TTN: variants seen among roughly 807,000 people sequenced by gnomAD.
TTN encodes the protein connectin.
A neutral mutation model predicts 3,223.0 loss-of-function variants in TTN; 1,525 were observed. That is an observed-to-expected ratio of 0.47 (90% CI 0.45 to 0.49). The LOEUF is 0.49. TTN is among the 20% of genes least tolerant of loss of function. The pLI is 0.00. For synonymous variants in TTN, 14,094 were observed against 15,161.0 expected (o/e 0.93, Z 5.17); for missense variants, 40,786 against 43,424.0 (o/e 0.94, Z 5.40).
At chr2:178,669,473 G>C in intron 158 of TTN, 26 bp from the exon 159 acceptor site, 1 of 1,560,850 alleles carries the variant, frequency 6.4e-7, no homozygotes, top group Non-Finnish European at 8.6e-7. Flanking sequence ...TATATTAATT[G>C]TTACAGATAA....
intron 99 of TTN, among the ~76,000 whole-genome samples, chr2:178,709,062 C>T (rs966234576): frequency 7.2e-5 from 11 of 152,226 alleles, no homozygotes; most frequent in Middle Eastern, 3.4e-3. Flanking sequence ...AAATGTTACC[C>T]TTTTGTCTGG....
rs1342643737 is a variant in TTN, at chr2:178,587,383, T to C, written c.63828A>G (p.Ser21276=). 8 of 1,611,370 alleles carry C rather than the reference T, an allele frequency of 5.0e-6. No individual in the cohort carries two copies. Among genetic ancestry groups the C allele is most frequent in the South Asian group, 1.1e-5 (1 of 90,812 alleles). Residue 21276 remains serine (S), a synonymous_variant, in exon 307 of 363, where the codon TCA becomes TCG. Coordinates refer to ENST00000589042, the MANE Select transcript of TTN (RefSeq NM_001267550.2). The part of the protein sequence containing the change: ...TPGPVSDLKV[S]DVTKTSCHVS... ...CATGGCATGATGTTTTAGTGACATC[T>C]GAAACTTTTAAATCAGACACAGGCC...
chr2:178,720,270 G>A lies in TTN; in HGVS notation c.23378-6C>T. The stretch of plus-strand genomic sequence containing the variant: ...TTTCACGAATCGTGGAGGTTCTGAT[G>A]AAAGAAATTTGTGGTTAGAGGAAAA... On this transcript the variant is annotated splice_region_variant and splice_polypyrimidine_tract_variant and intron_variant, in intron 80 of 362. Coordinates refer to ENST00000589042, the MANE Select transcript of TTN (RefSeq NM_001267550.2). 2 of 1,603,710 alleles carry A rather than the reference G, an allele frequency of 1.2e-6. No homozygotes were observed. Among genetic ancestry groups the A allele is most frequent in the East Asian group, 2.2e-5 (1 of 44,712 alleles).
At chr2:178,806,494 G>C (rs941065541) in intron 1 of TTN, among the ~76,000 whole-genome samples, 1 of 152,192 alleles carries the variant, frequency 6.6e-6, no homozygotes, top group Non-Finnish European at 1.5e-5. Flanking sequence ...TGTGTGCTGA[G>C]TTAAAATGCA....
intron 206 of TTN, 46 bp downstream of exon 206, chr2:178,651,620 T>C: frequency 6.2e-7 from 1 of 1,612,320 alleles, no homozygotes; most frequent in South Asian, 1.1e-5. Flanking sequence ...AATATGACAC[T>C]TCAAAGAAAG....
At position 178,537,067 on chromosome 2, in the gene TTN, C is replaced by T. The variant is rs757184326; in HGVS notation, c.100042G>A (p.Val33348Met). The T allele has an allele frequency of 8.7e-6, 14 of 1,613,142 alleles. No homozygotes were observed. In the South Asian group the frequency reaches 1.4e-4, roughly 16 times the overall value. Residue 33348 changes from valine to methionine, a missense_variant, in exon 356 of 363, where the codon GTG (valine) becomes ATG (methionine). Transcript: ENST00000589042. ...AGGTTCACAATTCTACAGGTTGTCA[C>T]TGAGATGGCTGAAGACACCAATTGC... ...EWQLVSSAIS[V>M]TTCRIVNLTE...
At position 178,545,735 on chromosome 2, in the gene TTN, C is replaced by G. The variant is rs1402252376; in HGVS notation, c.95417-42G>C. ...GGATGATGAGAATTGCACAAAATTA[C>G]TATTGATAAGACTGCCCTTCTCCCT... is the stretch of plus-strand genomic sequence containing the variant. On this transcript the variant is annotated intron_variant, in intron 343 of 362. Coordinates refer to ENST00000589042, the MANE Select transcript of TTN (RefSeq NM_001267550.2). The G allele has an allele frequency of 5.0e-6, 8 of 1,600,524 alleles. No individual in the cohort carries two copies. In the South Asian group the frequency reaches 7.8e-5, roughly 16 times the overall value.
In TTN at chr2:178,621,219, C is replaced by G; in HGVS notation, c.45499G>C (p.Val15167Leu). 1 of 1,612,320 alleles carries G rather than the reference C, an allele frequency of 6.2e-7. No homozygotes were observed. Residue 15167 changes from valine to leucine, a missense_variant, in exon 246 of 363, where the codon GTT becomes CTT. Coordinates refer to ENST00000589042, the MANE Select transcript of TTN (RefSeq NM_001267550.2). The part of the protein sequence containing the change: ...KTLESGDKYD[V>L]IADGKKRVLV... ...ACCCTCTTTTTACCATCAGCAATAA[C>G]GTCATATTTATCTCCAGATTCAAGT... is the stretch of plus-strand genomic sequence containing the variant.
At chr2:178,618,946 C>T in intron 250 of TTN, 93 bp from the exon 251 acceptor site, 8 of 1,485,996 alleles carry the variant, frequency 5.4e-6, no homozygotes, top group Admixed American at 4.9e-5. Context: ...ATATTGGTTA[C>T]ATAACCTTGG....
intron 113 of TTN, among the ~76,000 whole-genome samples, chr2:178,696,710 A>G (rs974639784): frequency 6.6e-5 from 10 of 152,118 alleles, no homozygotes; most frequent in African/African-American, 2.4e-4. Flanking sequence ...ACTATTGCAT[A>G]TGATCCCTTA....
chr2:178,796,585 A>C (rs762669985), intron 6 of TTN, among the ~76,000 whole-genome samples: 3 of 152,322 alleles, frequency 2.0e-5, no homozygotes, highest in East Asian at 1.9e-4. Context: ...TTTTCTGAAC[A>C]TGACTGCCTT....
chr2:178,533,946 C>T lies in TTN; in HGVS notation c.102669G>A (p.Glu34223=). 1 of 1,613,890 alleles carries T rather than the reference C, an allele frequency of 6.2e-7. No homozygotes were observed. The highest frequency in any genetic ancestry group is 8.5e-7 in the Non-Finnish European group (1 of 1,179,866). ...NDYGEDSSYA[E]LFVKGVREVY... is the part of the protein sequence containing the mutation. ...CTTCTCTCACACCTTTAACAAATAG[C>T]TCTGCATAAGAACTGTCTTCACCAT... is the stretch of plus-strand genomic sequence containing the variant. Residue 34223 remains glutamate, a synonymous_variant, in exon 358 of 363, where the codon GAG becomes GAA. Coordinates refer to ENST00000589042, the MANE Select transcript of TTN (RefSeq NM_001267550.2).
rs886055281 is a variant in TTN at position 178,677,850 on chromosome 2, T to C, written c.34062A>G (p.Glu11354=). The C allele has an allele frequency of 1.9e-6, 3 of 1,612,382 alleles. No homozygotes were observed. The African/African-American group carries it at 4.0e-5, about 22-fold the overall frequency. ...CTTCCTCTTCAGGAACAATTTCTTCTTCAAATAGAACTTCCTCTTCCTGAG... is the reference window on the plus strand; with the variant it reads ...CTTCCTCTTCAGGAACAATTTCTTCCTCAAATAGAACTTCCTCTTCCTGAG... ...ALPQEEEVLF[E]EEIVPEEEVL... is the part of the protein sequence containing the mutation. The change falls in exon 146 of 363, where the codon GAA becomes GAG. Residue 11354 remains glutamate (E), a synonymous_variant. Coordinates refer to ENST00000589042, the MANE Select transcript of TTN (RefSeq NM_001267550.2).
At position 178,557,831 on chromosome 2, in the gene TTN, G is replaced by T; in HGVS notation, c.87523C>A (p.Leu29175Ile). The T allele has an allele frequency of 1.2e-6, 2 of 1,613,938 alleles. No homozygotes were observed. The highest frequency in any genetic ancestry group is 1.7e-6 in the Non-Finnish European group (2 of 1,179,846). ...GCAGTACTTGTTTCTCTTTTGAGTA[G>T]AATGTAGTTGGTAACTTGACTTCCA... is the stretch of plus-strand genomic sequence containing the variant. Reference protein sequence around the residue: ...DGGSQVTNYILLKRETSTAVW... With the variant: ...DGGSQVTNYIILKRETSTAVW... Residue 29175 changes from leucine (L) to isoleucine (I), a missense_variant, in exon 328 of 363, where the codon CTA becomes ATA. Transcript: ENST00000589042.
Position 178,701,154 on chromosome 2 carries a change from G to A in TTN, c.30648C>T (p.Pro10216=), listed in dbSNP as rs765611174. Residue 10216 remains proline, a synonymous_variant, in exon 111 of 363, where the codon CCC becomes CCT. Coordinates refer to ENST00000589042, the MANE Select transcript of TTN (RefSeq NM_001267550.2). ...APPIPLLLPT[P]EEKKPPPKRI... is the part of the protein sequence containing the mutation. Reference sequence around the variant, plus strand: ...GTTTTGGTGGTGGTTTCTTTTCTTCGGGTGTTGGTAGCAAAAGGGGGATAG... The same window carrying A: ...GTTTTGGTGGTGGTTTCTTTTCTTCAGGTGTTGGTAGCAAAAGGGGGATAG... 4 of 1,613,544 alleles carry A rather than the reference G, an allele frequency of 2.5e-6. No individual in the cohort carries two copies. The highest frequency in any genetic ancestry group is 2.5e-6 in the Non-Finnish European group (3 of 1,179,718).
In TTN at chr2:178,560,861, T is replaced by C. The variant is rs879049486; in HGVS notation, c.85271A>G (p.Asp28424Gly). The change falls in exon 326 of 363, where the codon GAC becomes GGC. Residue 28424 changes from aspartate (D) to glycine (G), a missense_variant. By Grantham distance (94) the Asp-to-Gly change is moderately conservative. Transcript: ENST00000589042. ...LLTVKDCIRR[D>G]TGQYVLTLKN... ...CAGTGTTAGTACATATTGCCCAGTG[T>C]CTCGTCTTATACAGTCTTTAACTGT... The C allele has an allele frequency of 4.3e-6, 7 of 1,613,724 alleles. No individual in the cohort carries two copies. Among genetic ancestry groups the C allele is most frequent in the Non-Finnish European group, 5.9e-6 (7 of 1,179,810 alleles).
Position 178,757,592 on chromosome 2 carries a change from T to C in TTN, c.10628A>G (p.Asn3543Ser), listed in dbSNP as rs777330837. 1.0e-5 allele frequency: 16 copies of C among 1,607,864 alleles called. No individual in the cohort carries two copies. The Admixed American group carries it at 1.7e-4, about 17-fold the overall frequency. Reference protein sequence around the residue: ...HAGQYSCKAANSAGEATCAAT... With the variant: ...HAGQYSCKAASSAGEATCAAT... ...TGCACAAGTGGCTTCCCCAGCACTA[T>C]TGGCTGCTTTGCAAGAGTACTGCCC... Residue 3543 changes from asparagine (N) to serine (S), a missense_variant, in exon 45 of 363, where the codon AAT becomes AGT. Transcript: ENST00000589042.
In TTN at chr2:178,675,059, T is replaced by A; in HGVS notation, c.34592A>T (p.Glu11531Val). The stretch of plus-strand genomic sequence containing the variant: ...TCTACCTTCAACTGGTAGAACTTCC[T>A]CTTCTTTAGGGAGAATGATTCGTTT... ...EEKRIILPKE[E>V]EVLPVEVTEE... Residue 11531 changes from glutamate (E) to valine (V), a missense_variant, in exon 150 of 363, where the codon GAG (glutamate) becomes GTG (valine). Transcript: ENST00000589042. 1.3e-6 allele frequency: 2 copies of A among 1,544,382 alleles called. No homozygotes were observed. The highest frequency in any genetic ancestry group is 2.5e-5 in the East Asian group (1 of 39,342).
chr2:178,802,702 A>G (rs1320725315), intron 2 of TTN, among the ~76,000 whole-genome samples: 1 of 152,188 alleles, frequency 6.6e-6, no homozygotes, highest in Non-Finnish European at 1.5e-5. Context: ...AAAATGAAGA[A>G]CCAAGGAAAA....
Sources: gnomAD v4.1 joint callset for allele counts (sites outside exome capture counted in the v4.1 genomes callset) on GRCh38, gnomAD v4.1.1 for gene constraint, MANE v1.5 for transcripts, NCBI Gene and HGNC (gene_info 2026-07-23, HGNC 2026-07-21) for gene names.